BBS9: variants seen among roughly 807,000 people sequenced by gnomAD.
The protein encoded by BBS9 is protein PTHB1.
In BBS9, 89 loss-of-function variants were observed where a neutral mutation model predicts 117.7. The observed-to-expected ratio is 0.76, with a 90% CI of 0.64 to 0.90. The LOEUF (loss-of-function observed/expected upper bound fraction) is 0.90. BBS9 is among the 40% of genes least tolerant of loss of function. The pLI is 0.00. For synonymous variants in BBS9, 379 were observed against 370.9 expected, an observed-to-expected ratio of 1.02 and a Z score of -0.25; for missense variants, 982 against 1,042.2, an observed-to-expected ratio of 0.94 and a Z score of 0.80.
rs1435114571 is a variant in BBS9 at position 33,459,388 on chromosome 7, G to C, written c.2116-46075G>C. 2.6e-5 allele frequency among the ~76,000 whole-genome samples: 4 copies of C among 151,764 alleles called. No homozygotes were observed. In the East Asian group the frequency reaches 7.7e-4, roughly 29 times the overall value. On this transcript the variant is annotated intron_variant, in intron 19 of 22. Transcript: ENST00000242067. ...AGGGAGAGGATACCATTGGCATCTA[G>C]TAAGTAGAGGCCAGTGATGTTGCTA...
chr7:33,426,731 A>C (rs1352933444), intron 19 of BBS9, among the ~76,000 whole-genome samples: 2 of 152,136 alleles, frequency 1.3e-5, no homozygotes, highest in Non-Finnish European at 2.9e-5. Context: ...ACTACAGAAC[A>C]CCTTGAGAGG....
chr7:33,207,735 C>G (rs1425178545), intron 5 of BBS9, among the ~76,000 whole-genome samples: 1 of 152,090 alleles, frequency 6.6e-6, no homozygotes, highest in Non-Finnish European at 1.5e-5. Flanking sequence ...CATGTATATA[C>G]ATATATACAT....
At chr7:33,444,868 T>C (rs1040615800) in intron 19 of BBS9, among the ~76,000 whole-genome samples, 2 of 152,230 alleles carry the variant, frequency 1.3e-5, no homozygotes, top group African/African-American at 4.8e-5. Flanking sequence ...TATCAATATA[T>C]GCAGACCTTA....
At chr7:33,455,602 A>G (rs1188447078) in intron 19 of BBS9, among the ~76,000 whole-genome samples, 1 of 152,172 alleles carries the variant, frequency 6.6e-6, no homozygotes, top group Non-Finnish European at 1.5e-5. Flanking sequence ...TACTTCACCA[A>G]AACTATCCCC....
intron 7 of BBS9, 21 bp downstream of exon 7, chr7:33,264,395 A>T: frequency 6.9e-7 from 1 of 1,459,612 alleles, no homozygotes; most frequent in Non-Finnish European, 9.5e-7. Context: ...TTTTTAATAT[A>T]TAAAAATTTC....
chr7:33,506,049 A>C (rs1846110773), intron 20 of BBS9, among the ~76,000 whole-genome samples: 1 of 152,186 alleles, frequency 6.6e-6, no homozygotes, highest in Non-Finnish European at 1.5e-5. Flanking sequence ...CAAAGGTTAG[A>C]GAGAATGGAG....
intron 5 of BBS9, among the ~76,000 whole-genome samples, chr7:33,197,530 A>C (rs1005996257): frequency 3.3e-5 from 5 of 152,036 alleles, no homozygotes; most frequent in African/African-American, 1.2e-4. Context: ...CTGTAGCACA[A>C]AATAAAGATA....
chr7:33,132,940 G>C (rs1030416594), intron 1 of BBS9, among the ~76,000 whole-genome samples: 1 of 152,032 alleles, frequency 6.6e-6, no homozygotes, highest in Non-Finnish European at 1.5e-5. Flanking sequence ...TAAAAAAGTT[G>C]TAATAATTTT....
chr7:33,193,384 G>A (rs919816162), intron 5 of BBS9, among the ~76,000 whole-genome samples: 7 of 142,824 alleles, frequency 4.9e-5, no homozygotes, highest in Admixed American at 2.1e-4. Context: ...TTCTTCATCT[G>A]TCTTTCGCAT....
intron 21 of BBS9, among the ~76,000 whole-genome samples, chr7:33,602,400 C>T (rs952665192): frequency 1.3e-5 from 2 of 152,116 alleles, no homozygotes; most frequent in Non-Finnish European, 2.9e-5. Flanking sequence ...TCTGGGTGTG[C>T]TGTTGGGCAG....
chr7:33,626,809 G>A (rs6462488), intron 21 of BBS9, among the ~76,000 whole-genome samples: 47,111 of 152,120 alleles, frequency 0.31, 8,683 homozygotes, highest in African/African-American at 0.5. Flanking sequence ...TTGCCTGGCT[G>A]CTTCTAACAG....
At chr7:33,544,251 G>A (rs1008854783) in intron 21 of BBS9, among the ~76,000 whole-genome samples, 1 of 152,064 alleles carries the variant, frequency 6.6e-6, no homozygotes, top group African/African-American at 2.4e-5. Context: ...GATTTTTTTG[G>A]TGGTGTTGAA....
At chr7:33,388,976 A>G (rs992493718) in intron 19 of BBS9, among the ~76,000 whole-genome samples, 1 of 152,108 alleles carries the variant, frequency 6.6e-6, no homozygotes, top group Non-Finnish European at 1.5e-5. Flanking sequence ...ATAATTCTAT[A>G]TTTCTGTGCA....
chr7:33,225,971 A>G (rs1791188602), intron 5 of BBS9, among the ~76,000 whole-genome samples: 1 of 152,170 alleles, frequency 6.6e-6, no homozygotes. Flanking sequence ...TTGTATATAT[A>G]TTTGCTGGAA....
chr7:33,146,578 A>G (rs188155495), intron 2 of BBS9, among the ~76,000 whole-genome samples: 38 of 152,100 alleles, frequency 2.5e-4, no homozygotes, highest in Admixed American at 2.2e-3. Flanking sequence ...GGGCATCTGT[A>G]ATCCCAGCTA....
chr7:33,314,047 A>G (rs1458607983), intron 9 of BBS9, among the ~76,000 whole-genome samples: 2 of 152,196 alleles, frequency 1.3e-5, no homozygotes, highest in African/African-American at 4.8e-5. Context: ...GAAAGGACCA[A>G]CAAGACATGA....
chr7:33,312,483 T>C (rs186219801), intron 9 of BBS9, among the ~76,000 whole-genome samples: 2 of 151,548 alleles, frequency 1.3e-5, no homozygotes, highest in Admixed American at 1.3e-4. Flanking sequence ...GCATAGATAT[T>C]GAGGAGGACT....
At chr7:33,232,773 T>C (rs1792732426) in intron 5 of BBS9, among the ~76,000 whole-genome samples, 1 of 152,180 alleles carries the variant, frequency 6.6e-6, no homozygotes. Flanking sequence ...TATGTGCTTG[T>C]ATATGTGTGT....
intron 19 of BBS9, among the ~76,000 whole-genome samples, chr7:33,431,081 G>A (rs185486215): frequency 2.0e-5 from 3 of 151,676 alleles, no homozygotes; most frequent in Admixed American, 1.3e-4. Context: ...TGTAATACCA[G>A]CTACTTGGGA....
Sources: allele counts gnomAD v4.1 joint callset (sites outside exome capture counted in the v4.1 genomes callset), GRCh38; gene constraint gnomAD v4.1.1; transcripts MANE v1.5; gene names NCBI Gene and HGNC (gene_info 2026-07-23, HGNC 2026-07-21).